Variants in CMSS1 observed in about 807,000 individuals in gnomAD.
CMSS1 encodes the protein protein CMSS1.
CMSS1 carries 33 observed loss-of-function variants against 43.5 expected under a neutral mutation model. The observed-to-expected ratio is 0.76, with a 90% CI of 0.57 to 1.01. The LOEUF (loss-of-function observed/expected upper bound fraction) is 1.01. Ranked by LOEUF, CMSS1 falls within the 50% of genes least tolerant of loss-of-function variation. The pLI is 0.00. For synonymous variants in CMSS1, 115 were observed against 117.2 expected, an observed-to-expected ratio of 0.98 and a Z score of 0.12; for missense variants, 313 against 326.4, an observed-to-expected ratio of 0.96 and a Z score of 0.32.
At chr3:99,977,839 C>A (rs1709015392) in intron 1 of CMSS1, among the ~76,000 whole-genome samples, 1 of 151,930 alleles carries the variant, frequency 6.6e-6, no homozygotes, top group Admixed American at 6.6e-5. Context: ...AAGTATGGAT[C>A]CAATAAGAGA....
At chr3:99,924,479 T>C (rs1288277058) in intron 1 of CMSS1, 1 of 1,427,236 alleles carries the variant, frequency 7.0e-7, no homozygotes, top group African/African-American at 1.4e-5. Flanking sequence ...CTTTTAGAAA[T>C]GTCCCTGTTT....
chr3:99,824,123 A>G (rs704578), intron 1 of CMSS1, among the ~76,000 whole-genome samples: 107,225 of 151,056 alleles, frequency 0.71, 38,308 homozygotes, highest in East Asian at 0.81. Flanking sequence ...GGATTTCACC[A>G]TGTTGACCAG....
intron 1 of CMSS1, among the ~76,000 whole-genome samples, chr3:99,926,394 G>T (rs1057189395): frequency 2.0e-5 from 3 of 152,236 alleles, no homozygotes; most frequent in African/African-American, 7.2e-5. Flanking sequence ...TTCTGAGGAG[G>T]CTCTAGTGTT....
At chr3:99,967,979 G>T (rs781392202) in intron 1 of CMSS1, among the ~76,000 whole-genome samples, 4 of 152,168 alleles carry the variant, frequency 2.6e-5, no homozygotes, top group African/African-American at 9.7e-5. Context: ...ATCTACTTGG[G>T]CAATCTCAAA....
intron 1 of CMSS1, among the ~76,000 whole-genome samples, chr3:99,911,452 G>T (rs1288637335): frequency 6.6e-6 from 1 of 151,846 alleles, no homozygotes; most frequent in Non-Finnish European, 1.5e-5. Flanking sequence ...ACTTGCCAGT[G>T]GTGGGTTGAG....
At chr3:99,864,718 C>T (rs1944426677) in intron 1 of CMSS1, among the ~76,000 whole-genome samples, 1 of 152,122 alleles carries the variant, frequency 6.6e-6, no homozygotes, top group Non-Finnish European at 1.5e-5. Context: ...CCTCTGCCCA[C>T]TCACCAGCTT....
chr3:100,110,536 C>T (rs2066473560), intron 1 of CMSS1, among the ~76,000 whole-genome samples: 1 of 152,068 alleles, frequency 6.6e-6, no homozygotes, highest in African/African-American at 2.4e-5. Context: ...CAAGGAATTA[C>T]AACAAACTTT....
intron 1 of CMSS1, among the ~76,000 whole-genome samples, chr3:99,979,368 G>A (rs1576616111): frequency 6.6e-6 from 1 of 152,304 alleles, no homozygotes; most frequent in East Asian, 1.9e-4. Context: ...AGAGTTAAGA[G>A]ATGTTAACCA....
intron 1 of CMSS1, among the ~76,000 whole-genome samples, chr3:100,041,785 A>G (rs1015195473): frequency 6.6e-6 from 1 of 152,156 alleles, no homozygotes; most frequent in African/African-American, 2.4e-5. Flanking sequence ...TAAACAGTAA[A>G]ATTCAGGAGA....
intron 1 of CMSS1, among the ~76,000 whole-genome samples, chr3:100,069,907 CTT>C (rs1354432581): frequency 6.6e-6 from 1 of 152,022 alleles, no homozygotes; most frequent in African/African-American, 2.4e-5. Context: ...TTGTTGGAAA[CTT>C]AAAAAAAGAA....
intron 1 of CMSS1, among the ~76,000 whole-genome samples, chr3:100,129,931 T>C (rs1391226964): frequency 1.3e-5 from 2 of 152,226 alleles, no homozygotes; most frequent in Non-Finnish European, 2.9e-5. Flanking sequence ...TTCCTTTCAG[T>C]GTTTATTACT....
intron 1 of CMSS1, among the ~76,000 whole-genome samples, chr3:100,135,450 G>A (rs976297585): frequency 2.9e-5 from 4 of 138,124 alleles, no homozygotes; most frequent in African/African-American, 8.3e-5. Context: ...GTGTGTGTGT[G>A]TGTGTGTGTG....
chr3:99,860,468 T>C (rs1944189649), intron 1 of CMSS1, among the ~76,000 whole-genome samples: 1 of 152,166 alleles, frequency 6.6e-6, no homozygotes, highest in Non-Finnish European at 1.5e-5. Flanking sequence ...AATCTCACTC[T>C]TTTAAGAGCA....
intron 1 of CMSS1, among the ~76,000 whole-genome samples, chr3:99,958,202 G>GCAT (rs1239601454): frequency 1.6e-5 from 2 of 123,680 alleles, no homozygotes; most frequent in East Asian, 2.3e-4. Flanking sequence ...AGCCCTGCAT[G>GCAT]CATTATTATT....
chr3:99,962,477 G>A (rs1344288601), intron 1 of CMSS1, among the ~76,000 whole-genome samples: 1 of 152,144 alleles, frequency 6.6e-6, no homozygotes, highest in Non-Finnish European at 1.5e-5. Flanking sequence ...AGTCATTAGG[G>A]TTAGACAGAT....
intron 2 of CMSS1, among the ~76,000 whole-genome samples, chr3:100,147,313 C>G (rs2066862225): frequency 7.1e-6 from 1 of 141,698 alleles, no homozygotes; most frequent in African/African-American, 2.6e-5. Flanking sequence ...CTTTATCACC[C>G]AGGCTGTAGT....
chr3:100,142,892 C>G (rs1031465654), intron 1 of CMSS1, among the ~76,000 whole-genome samples: 1 of 152,196 alleles, frequency 6.6e-6, no homozygotes, highest in African/African-American at 2.4e-5. Flanking sequence ...GTACTTTGGG[C>G]ACTCATATGT....
chr3:100,047,585 C>A (rs533753906), intron 1 of CMSS1, among the ~76,000 whole-genome samples: 78 of 152,344 alleles, frequency 5.1e-4, no homozygotes, highest in African/African-American at 1.8e-3. Context: ...CATGTAAATT[C>A]TTTCCCTGCA....
chr3:99,890,441 T>C (rs1014011336), intron 1 of CMSS1, among the ~76,000 whole-genome samples: 3 of 152,156 alleles, frequency 2.0e-5, no homozygotes, highest in Non-Finnish European at 4.4e-5. Flanking sequence ...ATTTCAAATA[T>C]GGCTTCTGAA....
Sources: gnomAD v4.1 joint callset for allele counts (sites outside exome capture counted in the v4.1 genomes callset) on GRCh38, gnomAD v4.1.1 for gene constraint, MANE v1.5 for transcripts, NCBI Gene and HGNC (gene_info 2026-07-23, HGNC 2026-07-21) for gene names.